The following ANO10 variants were observed in gnomAD, a reference collection of about 807,000 sequenced individuals.
The protein encoded by ANO10 is anoctamin 10, also known as anoctamin-10.
Under a neutral mutation model 74.7 loss-of-function variants are expected in ANO10, and 77 were observed. That is an observed-to-expected ratio of 1.03 (90% CI 0.86 to 1.25). The LOEUF is 1.25. ANO10 is among the 50% of genes most tolerant of loss of function. The probability of loss-of-function intolerance (pLI) is 0.00; values close to 1 mark genes in which losing one functional copy is unlikely to be tolerated. For synonymous variants in ANO10, 279 were observed against 284.9 expected (o/e 0.98, Z 0.21); for missense variants, 721 against 778.1 (o/e 0.93, Z 0.87).
chr3:43,418,856 T>C (rs2092779583), intron 12 of ANO10, among the ~76,000 whole-genome samples: 1 of 152,230 alleles, frequency 6.6e-6, no homozygotes, highest in Non-Finnish European at 1.5e-5. Context: ...AAGCCAAAAC[T>C]GGCCTACAGC....
chr3:43,643,093 G>A (rs545638903), intron 1 of ANO10, among the ~76,000 whole-genome samples: 1 of 150,660 alleles, frequency 6.6e-6, no homozygotes, highest in South Asian at 2.1e-4. Context: ...GTGCAGTGGC[G>A]CAATCTCGGC....
chr3:43,500,527 T>C (rs2077062623), intron 11 of ANO10, among the ~76,000 whole-genome samples: 1 of 152,208 alleles, frequency 6.6e-6, no homozygotes, highest in Admixed American at 6.5e-5. Context: ...CGATGGCAGC[T>C]CCCTGATATC....
At chr3:43,537,909 G>A (rs1295751155) in intron 11 of ANO10, among the ~76,000 whole-genome samples, 1 of 152,100 alleles carries the variant, frequency 6.6e-6, no homozygotes, top group African/African-American at 2.4e-5. Context: ...TTAGCCACAT[G>A]GCACCCTGGA....
intron 1 of ANO10, among the ~76,000 whole-genome samples, chr3:43,606,917 A>G (rs1266710590): frequency 1.3e-5 from 2 of 152,214 alleles, no homozygotes; most frequent in African/African-American, 4.8e-5. Context: ...ATATGTGCAT[A>G]TATATGTGAC....
intron 11 of ANO10, among the ~76,000 whole-genome samples, chr3:43,513,889 G>A (rs1016143100): frequency 5.3e-5 from 8 of 151,226 alleles, no homozygotes; most frequent in South Asian, 2.1e-4. Flanking sequence ...AAATACCTAC[G>A]TATTATTTGC....
At chr3:43,597,966 A>G (rs906160532) in intron 4 of ANO10, among the ~76,000 whole-genome samples, 1 of 152,040 alleles carries the variant, frequency 6.6e-6, no homozygotes, top group Non-Finnish European at 1.5e-5. Flanking sequence ...ACTAGGGGAC[A>G]CAGAAGCTTA....
chr3:43,485,141 G>C, intron 11 of ANO10: 2 of 803,872 alleles, frequency 2.5e-6, no homozygotes, highest in Non-Finnish European at 4.2e-6. Context: ...GAGTGATCTG[G>C]ATGGAGTGGG....
intron 12 of ANO10, among the ~76,000 whole-genome samples, chr3:43,428,321 A>G (rs1397251990): frequency 2.0e-5 from 3 of 152,108 alleles, no homozygotes; most frequent in Non-Finnish European, 4.4e-5. Flanking sequence ...AAGTGCTGGG[A>G]TTACAGGCGT....
intron 7 of ANO10, 117 bp downstream of exon 7, chr3:43,574,692 T>A: frequency 1.2e-6 from 1 of 835,152 alleles, no homozygotes; most frequent in South Asian, 1.5e-5. Flanking sequence ...CTTGCCTATT[T>A]GCACAAAATA....
At chr3:43,446,763 T>C (rs954426837) in intron 11 of ANO10, among the ~76,000 whole-genome samples, 1 of 152,180 alleles carries the variant, frequency 6.6e-6, no homozygotes, top group African/African-American at 2.4e-5. Context: ...ATAAAAATAA[T>C]TTTTAAGGTT....
At chr3:43,516,425 T>C (rs536042052) in intron 11 of ANO10, among the ~76,000 whole-genome samples, 3 of 152,232 alleles carry the variant, frequency 2.0e-5, no homozygotes, top group Non-Finnish European at 2.9e-5. Context: ...AGTATGCATG[T>C]TGAAAGCGTA....
intron 9 of ANO10, 30 bp downstream of exon 9, chr3:43,561,190 A>T (rs771251710): frequency 4.3e-6 from 7 of 1,610,046 alleles, no homozygotes; most frequent in Non-Finnish European, 1.7e-6. Flanking sequence ...ACTCTCAGTA[A>T]ATGTTTAATT....
intron 12 of ANO10, among the ~76,000 whole-genome samples, chr3:43,398,526 T>A (rs2148863969): frequency 6.6e-6 from 1 of 152,362 alleles, no homozygotes; most frequent in Non-Finnish European, 1.5e-5. Context: ...AGGTAACTTC[T>A]GTGAAGAGTT....
intron 11 of ANO10, among the ~76,000 whole-genome samples, chr3:43,449,567 T>C (rs1190375199): frequency 1.3e-5 from 2 of 151,352 alleles, no homozygotes; most frequent in Non-Finnish European, 2.9e-5. Context: ...CAGCACCCTT[T>C]GTTGAAAGGA....
At position 43,648,132 on chromosome 3, in the gene ANO10, A is replaced by G. The variant is rs550833797; in HGVS notation, c.-11-42269T>C. 1.3e-5 allele frequency among the ~76,000 whole-genome samples: 2 copies of G among 152,310 alleles called. 1 individual carries two copies. The highest frequency in any genetic ancestry group is 4.8e-5 in the African/African-American group (2 of 41,584). On this transcript the variant is annotated intron_variant, in intron 1 of 3. Coordinates refer to the ANO10 transcript ENST00000413397. The stretch of plus-strand genomic sequence containing the variant: ...TCACCCTCCTCTGGGCTCCTCACGT[A>G]TAAAGTTTTATACTTTATTCACATA...
intron 12 of ANO10, among the ~76,000 whole-genome samples, chr3:43,425,186 T>C (rs911236375): frequency 5.9e-5 from 9 of 151,862 alleles, no homozygotes; most frequent in Non-Finnish European, 1.0e-4. Context: ...AAAATGCTTA[T>C]GTATTTACTG....
intron 11 of ANO10, among the ~76,000 whole-genome samples, chr3:43,489,271 GTAAC>G (rs2076625361): frequency 6.6e-6 from 1 of 151,690 alleles, no homozygotes; most frequent in Admixed American, 6.6e-5. Flanking sequence ...GTATACATAT[GTAAC>G]TAACCTGCAC....
In ANO10 at chr3:43,577,055, T is replaced by C. The variant is rs143322256; in HGVS notation, c.799A>G (p.Asn267Asp). 3.5e-4 allele frequency: 565 copies of C among 1,614,208 alleles called. 9 individuals carry two copies. The East Asian group carries it at 0.012, about 36-fold the overall frequency. ...ILELWKRGCA[N>D]MTYRWGTLLM... ...AGTGTCCCCCACCTGTAGGTCATGT[T>C]GGCACAGCCACGCTTCCACAGTTCC... is the stretch of plus-strand genomic sequence containing the variant. Residue 267 changes from asparagine (N) to aspartate (D), a missense_variant, in exon 6 of 13, where the codon AAC (asparagine) becomes GAC (aspartate). Transcript: ENST00000292246.
At chr3:43,580,612 ATTC>A in intron 4 of ANO10, 140 bp from the exon 5 acceptor site, 1 of 980,718 alleles carries the variant, frequency 1.0e-6, no homozygotes, top group Non-Finnish European at 1.5e-6. Context: ...AAACCTGTAT[ATTC>A]TTTCATTTTT....
Sources: gnomAD v4.1 joint callset for allele counts (sites outside exome capture counted in the v4.1 genomes callset) on GRCh38, gnomAD v4.1.1 for gene constraint, MANE v1.5 for transcripts, NCBI Gene and HGNC (gene_info 2026-07-23, HGNC 2026-07-21) for gene names.